The following PARD3B variants were observed in gnomAD, a reference collection of about 807,000 sequenced individuals.
PARD3B encodes the protein partitioning defective 3 homolog B.
Under a neutral mutation model 130.2 loss-of-function variants are expected in PARD3B, and 103 were observed. The ratio of observed to expected loss-of-function variants is 0.79; its 90% CI spans 0.67 to 0.93. PARD3B has a LOEUF of 0.93. PARD3B is among the 40% of genes least tolerant of loss of function. The pLI is 0.00. For missense variants in PARD3B, 1,609 were observed against 1,499.2 expected (o/e 1.07, Z -1.21); for synonymous variants, 583 against 553.2 (o/e 1.05, Z -0.76).
chr2:204,644,848 T>C (rs1282970538), intron 1 of PARD3B, among the ~76,000 whole-genome samples: 1 of 152,112 alleles, frequency 6.6e-6, no homozygotes, highest in Non-Finnish European at 1.5e-5. Context: ...TATAAAAAAA[T>C]TCCTCCCCAG....
chr2:204,580,786 C>G (rs2125080607), intron 1 of PARD3B, among the ~76,000 whole-genome samples: 1 of 152,280 alleles, frequency 6.6e-6, no homozygotes, highest in South Asian at 2.1e-4. Flanking sequence ...AGACTGTGAT[C>G]TTGTCAATCT....
chr2:205,428,627 ATAT>A (rs1471995914), intron 19 of PARD3B, among the ~76,000 whole-genome samples: 16 of 152,302 alleles, frequency 1.1e-4, no homozygotes, highest in African/African-American at 3.6e-4. Flanking sequence ...AATAATATTG[ATAT>A]TATCATTTTA....
In PARD3B at chr2:205,615,740, G is replaced by C. The variant is rs776303427; in HGVS notation, c.3545G>C (p.Gly1182Ala). 6.2e-7 allele frequency: 1 copy of C among 1,614,116 alleles called. No individual in the cohort carries two copies. The highest frequency in any genetic ancestry group is 2.2e-5 in the East Asian group (1 of 44,852). The change falls in exon 23 of 23, where the codon GGG becomes GCG. Residue 1182 changes from glycine to alanine, a missense_variant. Physicochemically the swap from Gly to Ala is moderately conservative, Grantham distance 60 (BLOSUM62 0). Coordinates refer to ENST00000406610, the MANE Select transcript of PARD3B (RefSeq NM_001302769.2). ...GAAACAGGCAGACCAGGGCCCCGTG[G>C]GGGCAGCCCAGACCAGTACCCTTAC... Reference protein sequence around the residue: ...YQETGRPGPRGGSPDQYPYRT... With the variant: ...YQETGRPGPRAGSPDQYPYRT...
chr2:204,731,162 G>A (rs1004666590), intron 2 of PARD3B, among the ~76,000 whole-genome samples: 3 of 152,116 alleles, frequency 2.0e-5, no homozygotes, highest in Non-Finnish European at 2.9e-5. Flanking sequence ...ACTATTGCTT[G>A]TAGCATAATA....
intron 2 of PARD3B, among the ~76,000 whole-genome samples, chr2:204,856,496 A>G (rs886487376): frequency 6.6e-6 from 1 of 151,824 alleles, no homozygotes; most frequent in Non-Finnish European, 1.5e-5. Flanking sequence ...TTGTATCTTC[A>G]CTCTGTTAAC....
In PARD3B at chr2:205,301,630, G is replaced by T; in HGVS notation, c.2559G>T (p.Glu853Asp). ...AAAAGGGCAAATTGAAAGTCAAGGA[G>T]AAAAAGCGCAAAGAGGAGAATGAAG... ...KKEKGKLKVK[E>D]KKRKEENEDP... The change falls in exon 18 of 23, where the codon GAG becomes GAT. Residue 853 changes from glutamate (E) to aspartate (D), a missense_variant. Glu to Asp is a conservative substitution (Grantham distance 45). Transcript: ENST00000406610. This position sits in a 1 kb window ranked among gnomAD's most constrained non-coding sequence, Gnocchi z 5.2. 6.2e-7 allele frequency: 1 copy of T among 1,613,520 alleles called. No individual in the cohort carries two copies. The highest frequency in any genetic ancestry group is 8.5e-7 in the Non-Finnish European group (1 of 1,179,670).
At chr2:204,771,570 A>C (rs1039448297) in intron 2 of PARD3B, among the ~76,000 whole-genome samples, 1 of 152,080 alleles carries the variant, frequency 6.6e-6, no homozygotes, top group South Asian at 2.1e-4. Flanking sequence ...GTAGGGTACT[A>C]TGCTCACCAC....
intron 1 of PARD3B, among the ~76,000 whole-genome samples, chr2:204,656,203 G>A (rs1013374091): frequency 3.3e-5 from 5 of 152,164 alleles, no homozygotes; most frequent in African/African-American, 1.2e-4. Flanking sequence ...GTGCTGCAGA[G>A]TTGCATGGCA....
At chr2:205,507,106 T>C (rs2050396171) in intron 21 of PARD3B, among the ~76,000 whole-genome samples, 2 of 150,304 alleles carry the variant, frequency 1.3e-5, no homozygotes, top group South Asian at 4.2e-4. Flanking sequence ...CTGGAGTGGA[T>C]GTTCAGCACA....
At chr2:205,305,072 G>A (rs2042142912) in intron 18 of PARD3B, among the ~76,000 whole-genome samples, 1 of 152,224 alleles carries the variant, frequency 6.6e-6, no homozygotes, top group Non-Finnish European at 1.5e-5. Context: ...TGAGTGAGAT[G>A]AGCAGAAGGT....
chr2:204,712,100 C>CGATA (rs1574780728), intron 2 of PARD3B, among the ~76,000 whole-genome samples: 1 of 152,170 alleles, frequency 6.6e-6, no homozygotes, highest in East Asian at 1.9e-4. Flanking sequence ...TAGTCTTTAT[C>CGATA]ATTTCACAGA....
At chr2:205,519,363 T>C (rs1250234564) in intron 21 of PARD3B, among the ~76,000 whole-genome samples, 2 of 152,234 alleles carry the variant, frequency 1.3e-5, no homozygotes, top group Non-Finnish European at 2.9e-5. Context: ...TCTTTGTTTA[T>C]TCTGCTGTTA....
chr2:204,972,806 A>G (rs1427805974), intron 3 of PARD3B, among the ~76,000 whole-genome samples: 1 of 152,112 alleles, frequency 6.6e-6, no homozygotes, highest in Non-Finnish European at 1.5e-5. Context: ...TAATAAACAA[A>G]CGGAATGAAA....
chr2:204,616,397 G>A (rs1228852042), intron 1 of PARD3B, among the ~76,000 whole-genome samples: 4 of 152,150 alleles, frequency 2.6e-5, no homozygotes, highest in East Asian at 1.9e-4. Flanking sequence ...TCAGGGAAAT[G>A]CAAATTAAAA....
chr2:204,680,981 G>A (rs2036801859), intron 1 of PARD3B, among the ~76,000 whole-genome samples: 1 of 152,030 alleles, frequency 6.6e-6, no homozygotes. Context: ...TGTTACTTGT[G>A]TCAGTCAGAT....
chr2:204,836,455 G>C lies in PARD3B; in HGVS notation c.223-128697G>C, dbSNP rs530782212. ...AGGCACGTGAATTGCCAGAGCTCAG[G>C]AGTTTGAGACCACCCTGGGCAACAT... On this transcript the variant is annotated intron_variant, in intron 2 of 22. Coordinates refer to ENST00000406610, the MANE Select transcript of PARD3B (RefSeq NM_001302769.2). Among the ~76,000 whole-genome samples the C allele has an allele frequency of 1.2e-3, 186 of 152,222 alleles. 1 individual carries two copies. The highest frequency in any genetic ancestry group is 2.1e-3 in the Non-Finnish European group (140 of 68,014).
intron 1 of PARD3B, among the ~76,000 whole-genome samples, chr2:204,600,230 A>G (rs947247724): frequency 5.9e-5 from 9 of 151,896 alleles, no homozygotes; most frequent in African/African-American, 1.9e-4. Flanking sequence ...GGTGTTATTC[A>G]TAAAATCCTT....
Position 204,673,750 on chromosome 2 carries a change from T to A in PARD3B, c.121-12431T>A, listed in dbSNP as rs2036411657. On this transcript the variant is annotated intron_variant, in intron 1 of 22. Coordinates refer to ENST00000406610, the MANE Select transcript of PARD3B (RefSeq NM_001302769.2). The surrounding 1 kb of genome is among the most constrained non-coding windows in gnomAD (Gnocchi z 4.7). ...AAATTGCTTATCACTTACTAACATA[T>A]CATTAATTCACGTATGTATTTTGTT... 6.6e-6 allele frequency among the ~76,000 whole-genome samples: 1 copy of A among 152,246 alleles called. No homozygotes were observed. The highest frequency in any genetic ancestry group is 2.1e-4 in the South Asian group (1 of 4,838).
At chr2:205,582,468 A>G (rs2054023267) in intron 22 of PARD3B, among the ~76,000 whole-genome samples, 2 of 152,228 alleles carry the variant, frequency 1.3e-5, no homozygotes, top group Non-Finnish European at 2.9e-5. Flanking sequence ...AAGCAGGTTC[A>G]ATCAGAGAAG....
Sources: allele counts gnomAD v4.1 joint callset (sites outside exome capture counted in the v4.1 genomes callset), GRCh38; gene constraint gnomAD v4.1.1; non-coding constraint Gnocchi (gnomAD v3.1); transcripts MANE v1.5; gene names NCBI Gene and HGNC (gene_info 2026-07-23, HGNC 2026-07-21).